The following ELAC2 variants were observed in gnomAD, a reference collection of about 807,000 sequenced individuals.
ELAC2 encodes elaC ribonuclease Z 2.
In ELAC2, 92 loss-of-function variants were observed where a neutral mutation model predicts 105.2. The observed-to-expected ratio is 0.87, with a 90% CI of 0.74 to 1.04. ELAC2 has a LOEUF of 1.04. ELAC2 is among the 50% of genes least tolerant of loss of function. The pLI, the probability that ELAC2 is intolerant of heterozygous loss-of-function variation, is 0.00. For synonymous variants in ELAC2, 468 were observed against 409.1 expected (o/e 1.14, Z -1.74); for missense variants, 1,099 against 1,071.7 (o/e 1.03, Z -0.36).
At chr17:13,005,650 C>T (rs1185334738) in intron 10 of ELAC2, 103 bp downstream of exon 10, 5 of 1,172,214 alleles carry the variant, frequency 4.3e-6, no homozygotes, top group South Asian at 1.2e-5. Context: ...AACTGTTCCA[C>T]GTCCTTCAAA....
chr17:12,993,137 C>T (rs1014032579), intron 23 of ELAC2, 92 bp from the exon 24 acceptor site: 2 of 1,308,338 alleles, frequency 1.5e-6, no homozygotes, highest in East Asian at 2.3e-5. Flanking sequence ...GCTCACACAG[C>T]AGCGCCAACG....
intron 2 of ELAC2, 32 bp downstream of exon 2, chr17:13,017,039 A>C (rs756581139): frequency 1.5e-5 from 25 of 1,613,524 alleles, no homozygotes; most frequent in Non-Finnish European, 2.0e-5. Flanking sequence ...CCCGTAATCA[A>C]CTCCCCCTCC....
chr17:12,996,555 G>C lies in ELAC2; in HGVS notation c.1651C>G (p.His551Asp), dbSNP rs1487812489. ...AVFVSHLHADHHTGLPSILLQ... is the reference protein window; with the variant it reads ...AVFVSHLHADDHTGLPSILLQ... ...TCCAGCCCAACACTCACCGTGTGGT[G>C]ATCTGCGTGCAGGTGGGACACAAAC... The change falls in exon 17 of 24, where the codon CAC becomes GAC. Residue 551 changes from histidine to aspartate, a missense_variant. His to Asp is a moderately conservative substitution (Grantham distance 81). Coordinates refer to ENST00000338034, the MANE Select transcript of ELAC2 (RefSeq NM_018127.7). 6.2e-7 allele frequency: 1 copy of C among 1,613,974 alleles called. No individual in the cohort carries two copies. Among genetic ancestry groups the C allele is most frequent in the Non-Finnish European group, 8.5e-7 (1 of 1,180,036 alleles).
rs964050395 is a variant in ELAC2, at chr17:12,998,340, G to A, written c.1520+72C>T. 5.6e-6 allele frequency: 8 copies of A among 1,418,246 alleles called. No homozygotes were observed. In the Admixed American group the frequency reaches 1.2e-4, roughly 21 times the overall value. The allele number at this position is 1,418,246 out of a possible 1,614,324, so 87.9% of individuals were successfully genotyped here. On this transcript the variant is annotated intron_variant, in intron 16 of 23. Coordinates refer to ENST00000338034, the MANE Select transcript of ELAC2 (RefSeq NM_018127.7). The stretch of plus-strand genomic sequence containing the variant: ...TACCGCATTTCAAATCGACTGGTGA[G>A]TACAGCAGGACTTTTGTTTAAAAAG...
intron 10 of ELAC2, 25 bp from the exon 11 acceptor site, chr17:13,005,126 A>G (rs1210350467): frequency 6.5e-7 from 1 of 1,532,262 alleles, no homozygotes; most frequent in Non-Finnish European, 9.0e-7. Flanking sequence ...AAGCCCGCCC[A>G]CTGGGGGTCA....
At chr17:13,017,450 C>T in intron 1 of ELAC2, 2 of 738,646 alleles carry the variant, frequency 2.7e-6, no homozygotes, top group Non-Finnish European at 4.3e-6. Flanking sequence ...TCCGAAAGTG[C>T]TGACAGCCAG....
At chr17:12,996,789 TTC>T in intron 16 of ELAC2, 104 bp from the exon 17 acceptor site, 1 of 1,490,606 alleles carries the variant, frequency 6.7e-7, no homozygotes, top group Non-Finnish European at 9.1e-7. Context: ...CTGCAGAAAT[TTC>T]TGTCTCTCCT....
chr17:12,992,696 C>G lies in ELAC2; in HGVS notation c.*122G>C. On this transcript the variant is annotated 3_prime_UTR_variant, in exon 24 of 24. Coordinates refer to ENST00000338034, the MANE Select transcript of ELAC2 (RefSeq NM_018127.7). The stretch of plus-strand genomic sequence containing the variant: ...AAGCCTCGGCACAGCTCCATACCAC[C>G]TATCCTGAGCTGCCTCCTGGGGGAC... 1 of 1,190,296 alleles carries G rather than the reference C, an allele frequency of 8.4e-7. No homozygotes were observed. The highest frequency in any genetic ancestry group is 1.3e-5 in the South Asian group (1 of 76,706). The allele number at this position is 1,190,296 out of a possible 1,614,324, so 73.7% of individuals were successfully genotyped here.
In ELAC2 at chr17:13,003,460, G is replaced by A. The variant is rs754657170; in HGVS notation, c.1079+19C>T. On this transcript the variant is annotated intron_variant, in intron 12 of 23. Transcript: ENST00000338034. ...GCCCAGAAGAGTTACCCCAAGTGCC[G>A]CTGGGCTGGGCTCCATACCTCTCCA... The A allele has an allele frequency of 9.9e-6, 16 of 1,611,040 alleles. No homozygotes were observed. The highest frequency in any genetic ancestry group is 2.7e-5 in the African/African-American group (2 of 74,858).
chr17:13,011,836 C>T, intron 6 of ELAC2, 54 bp from the exon 7 acceptor site: 1 of 1,613,648 alleles, frequency 6.2e-7, no homozygotes, highest in Non-Finnish European at 8.5e-7. Context: ...AGCTGACAGC[C>T]AAGGCCCAGA....
At chr17:13,010,000 A>AAAAAAAAAAC (rs2041326956) in intron 8 of ELAC2, among the ~76,000 whole-genome samples, 1 of 151,998 alleles carries the variant, frequency 6.6e-6, no homozygotes, top group Non-Finnish European at 1.5e-5. Context: ...CAAAAAAAAA[A>AAAAAAAAAAC]AAAAAAAATG....
At chr17:12,993,885 A>G (rs2040332152) in intron 22 of ELAC2, 54 bp from the exon 23 acceptor site, 1 of 1,612,798 alleles carries the variant, frequency 6.2e-7, no homozygotes, top group African/African-American at 1.3e-5. Context: ...AAGACTGCAA[A>G]GCAGACAGTG....
rs79947277 is a variant in ELAC2 at position 13,015,231 on chromosome 17, T to C, written c.432+537A>G. On this transcript the variant is annotated intron_variant, in intron 4 of 23. Transcript: ENST00000338034. ...AGTTTACAGGCATAGAAAACAGAAA[T>C]AAGGAAGGCCTCAATAAGAGACAAA... Among the ~76,000 whole-genome samples, 715 of 152,280 alleles carry C rather than the reference T, an allele frequency of 4.7e-3. 17 individuals carry two copies. The East Asian group carries it at 0.073, about 16-fold the overall frequency.
At position 13,017,804 on chromosome 17, in the gene ELAC2, C is replaced by A. The variant is rs1231034298; in HGVS notation, c.144G>T (p.Pro48=). 1.2e-6 allele frequency: 2 copies of A among 1,604,654 alleles called. No individual in the cohort carries two copies. The highest frequency in any genetic ancestry group is 1.7e-6 in the Non-Finnish European group (2 of 1,176,560). Residue 48 remains proline (P), a synonymous_variant, in exon 1 of 24, where the codon CCG becomes CCT. Coordinates refer to ENST00000338034, the MANE Select transcript of ELAC2 (RefSeq NM_018127.7). ...TGTTTGGGCCGCCGGAGCACCCCGA[C>A]GGTCCGCGCTTCTCTCGCGTGCGCA... ...RHLRTREKRG[P]SGCSGGPNTV... is the part of the protein sequence containing the mutation.
In ELAC2 at chr17:13,002,488, G is replaced by A. The variant is rs1398310385; in HGVS notation, c.1171C>T (p.Leu391Phe). ...RSHKIQTQLN[L>F]IHPDIFPLLT... Reference sequence around the variant, plus strand: ...AGGGGGAAGATGTCCGGGTGGATGAGGTTGAGCTGGGTTTGAATCTTGTGG... The same window carrying A: ...AGGGGGAAGATGTCCGGGTGGATGAAGTTGAGCTGGGTTTGAATCTTGTGG... Residue 391 changes from leucine to phenylalanine, a missense_variant, in exon 13 of 24, where the codon CTC becomes TTC. By Grantham distance (22) the Leu-to-Phe change is conservative (BLOSUM62 0). Transcript: ENST00000338034. 2 of 1,607,118 alleles carry A rather than the reference G, an allele frequency of 1.2e-6. No homozygotes were observed. The highest frequency in any genetic ancestry group is 1.3e-5 in the African/African-American group (1 of 74,862).
chr17:13,006,977 C>T (rs761496691), intron 8 of ELAC2, among the ~76,000 whole-genome samples: 22 of 151,888 alleles, frequency 1.4e-4, no homozygotes, highest in Non-Finnish European at 2.2e-4. Flanking sequence ...AAAAATTAGC[C>T]GGGTGTGGTG....
intron 3 of ELAC2, among the ~76,000 whole-genome samples, chr17:13,016,340 A>G (rs568605544): frequency 8.5e-5 from 13 of 152,362 alleles, no homozygotes; most frequent in Middle Eastern, 3.4e-3. Flanking sequence ...CACCACTGCT[A>G]GACTCTCCAG....
chr17:13,002,842 T>G, intron 12 of ELAC2: 2 of 517,476 alleles, frequency 3.9e-6, no homozygotes, highest in Middle Eastern at 5.4e-4. Context: ...GGCATACAAA[T>G]AGGGGACCCA....
intron 16 of ELAC2, among the ~76,000 whole-genome samples, chr17:12,997,164 C>T (rs544321703): frequency 8.1e-4 from 123 of 152,208 alleles, no homozygotes; most frequent in African/African-American, 2.9e-3. Context: ...TGGTGCAGGG[C>T]GGGCTGCAGG....
Sources: allele counts gnomAD v4.1 joint callset (sites outside exome capture counted in the v4.1 genomes callset), GRCh38; gene constraint gnomAD v4.1.1; transcripts MANE v1.5; gene names NCBI Gene and HGNC (gene_info 2026-07-23, HGNC 2026-07-21).